Variants in CTNNA2 observed in about 807,000 individuals in gnomAD.
CTNNA2 encodes the protein catenin alpha 2.
CTNNA2 carries 42 observed loss-of-function variants against 101.0 expected under a neutral mutation model. That is an observed-to-expected ratio of 0.42 (90% confidence interval 0.32 to 0.54). The LOEUF (loss-of-function observed/expected upper bound fraction) is 0.54. Among genes scored for constraint, CTNNA2 ranks in the 20% least tolerant of loss-of-function variants. The pLI is 0.14. For missense variants in CTNNA2, 871 were observed against 1,223.1 expected, an observed-to-expected ratio of 0.71 and a Z score of 4.29; for synonymous variants, 450 against 456.4, an observed-to-expected ratio of 0.99 and a Z score of 0.18.
chr2:80,277,168 G>A (rs1673972377), intron 7 of CTNNA2, among the ~76,000 whole-genome samples: 1 of 152,122 alleles, frequency 6.6e-6, no homozygotes, highest in Non-Finnish European at 1.5e-5. Flanking sequence ...AAACTGTGTA[G>A]GACAAGGTCA....
At chr2:80,034,090 A>G (rs558223145) in intron 7 of CTNNA2, among the ~76,000 whole-genome samples, 12 of 152,016 alleles carry the variant, frequency 7.9e-5, no homozygotes, top group African/African-American at 2.9e-4. Context: ...AAAGGAAAGG[A>G]TAAATCCAAC....
At chr2:79,917,267 A>G (rs903360170) in intron 7 of CTNNA2, among the ~76,000 whole-genome samples, 4 of 151,516 alleles carry the variant, frequency 2.6e-5, no homozygotes, top group African/African-American at 7.3e-5. Flanking sequence ...GACGGGTTTC[A>G]GCATGTTGGC....
chr2:80,206,006 T>C (rs1243895349), intron 7 of CTNNA2, among the ~76,000 whole-genome samples: 1 of 152,216 alleles, frequency 6.6e-6, no homozygotes, highest in Non-Finnish European at 1.5e-5. Flanking sequence ...CACATTACAA[T>C]GAATTATATT....
intron 2 of CTNNA2, among the ~76,000 whole-genome samples, chr2:79,273,307 A>G (rs929731083): frequency 1.3e-5 from 2 of 152,084 alleles, no homozygotes; most frequent in African/African-American, 4.8e-5. Flanking sequence ...ACTAATTAAA[A>G]CATTATAATT....
intron 2 of CTNNA2, among the ~76,000 whole-genome samples, chr2:79,665,779 A>G (rs1382396805): frequency 6.6e-6 from 1 of 152,238 alleles, no homozygotes; most frequent in Non-Finnish European, 1.5e-5. Context: ...GAAAAAGGAA[A>G]GAGTAGGAAA....
intron 9 of CTNNA2, among the ~76,000 whole-genome samples, chr2:80,524,387 C>T (rs1048576999): frequency 6.6e-6 from 1 of 152,174 alleles, no homozygotes; most frequent in African/African-American, 2.4e-5. Context: ...CCTGCTCTTT[C>T]TCATTTTCTT....
At position 79,302,062 on chromosome 2, in the gene CTNNA2, C is replaced by A. The variant is rs564727097; in HGVS notation, c.-405-10647C>A. 5.3e-4 allele frequency among the ~76,000 whole-genome samples: 80 copies of A among 152,084 alleles called. 1 individual carries two copies. Among genetic ancestry groups the A allele is most frequent in the African/African-American group, 1.9e-3 (79 of 41,498 alleles). ...GAGCCGAGGCTGCACAACTGCACTT[C>A]AGCCTGGGTGACAGAGAGAGACTCT... On this transcript the variant is annotated intron_variant, in intron 2 of 21. Coordinates refer to the CTNNA2 transcript ENST00000466387.
At chr2:79,222,990 T>TAA (rs113544177) in intron 2 of CTNNA2, among the ~76,000 whole-genome samples, 7 of 148,762 alleles carry the variant, frequency 4.7e-5, no homozygotes, top group Admixed American at 1.3e-4. Flanking sequence ...TAAAAAAAGT[T>TAA]AAAAAAAAAA....
At chr2:79,496,057 T>C (rs530389441) in intron 4 of CTNNA2, among the ~76,000 whole-genome samples, 1 of 152,248 alleles carries the variant, frequency 6.6e-6, no homozygotes, top group South Asian at 2.1e-4. Context: ...AATGAAAATG[T>C]TCTAAAAATA....
intron 18 of CTNNA2, among the ~76,000 whole-genome samples, chr2:80,631,819 T>G (rs535311663): frequency 8.1e-4 from 123 of 152,280 alleles, no homozygotes; most frequent in Non-Finnish European, 1.4e-3. Flanking sequence ...TAGCAAGTTC[T>G]TCCTCCCTAA....
intron 7 of CTNNA2, among the ~76,000 whole-genome samples, chr2:80,224,703 C>T (rs1216059954): frequency 6.6e-6 from 1 of 152,070 alleles, no homozygotes; most frequent in Non-Finnish European, 1.5e-5. Flanking sequence ...CTCGGCCTCC[C>T]AAAGTGCTGG....
intron 7 of CTNNA2, among the ~76,000 whole-genome samples, chr2:80,390,267 GTCA>G (rs1476191612): frequency 6.6e-6 from 1 of 152,184 alleles, no homozygotes; most frequent in Non-Finnish European, 1.5e-5. Flanking sequence ...GAGCAACTCA[GTCA>G]TTGAGCGTGC....
At chr2:80,584,384 C>A (rs972122557) in intron 14 of CTNNA2, among the ~76,000 whole-genome samples, 2 of 148,632 alleles carry the variant, frequency 1.3e-5, no homozygotes, top group Non-Finnish European at 3.0e-5. Flanking sequence ...CCTTTATATG[C>A]CCATATCTGC....
At chr2:80,568,000 G>A (rs561714969) in intron 12 of CTNNA2, among the ~76,000 whole-genome samples, 1 of 152,274 alleles carries the variant, frequency 6.6e-6, no homozygotes, top group African/African-American at 2.4e-5. Context: ...CTCAGAGTGT[G>A]TTGGATGACT....
At chr2:80,485,691 G>C (rs913118202) in intron 9 of CTNNA2, among the ~76,000 whole-genome samples, 3 of 152,044 alleles carry the variant, frequency 2.0e-5, no homozygotes, top group Non-Finnish European at 4.4e-5. Context: ...TCCTTAACCA[G>C]TGAACTGAAA....
chr2:80,520,436 A>G (rs1327206693), intron 9 of CTNNA2, among the ~76,000 whole-genome samples: 1 of 152,146 alleles, frequency 6.6e-6, no homozygotes, highest in East Asian at 1.9e-4. Flanking sequence ...CGGTTCAGGT[A>G]TTATAACAAA....
At chr2:80,428,794 C>T (rs771103944) in intron 9 of CTNNA2, among the ~76,000 whole-genome samples, 2 of 152,176 alleles carry the variant, frequency 1.3e-5, no homozygotes, top group Non-Finnish European at 2.9e-5. Context: ...TGCCACTGCA[C>T]TTCAGCCTGG....
intron 2 of CTNNA2, among the ~76,000 whole-genome samples, chr2:79,312,403 G>A (rs1372881665): frequency 6.6e-6 from 1 of 152,068 alleles, no homozygotes; most frequent in Non-Finnish European, 1.5e-5. Flanking sequence ...CCTTCATAGT[G>A]TGTATACTCT....
chr2:79,320,181 T>C (rs1573073569), intron 3 of CTNNA2, among the ~76,000 whole-genome samples: 1 of 151,046 alleles, frequency 6.6e-6, no homozygotes, highest in African/African-American at 2.4e-5. Context: ...GCAAAGAAAA[T>C]CTCCCTTCTT....
Sources: gnomAD v4.1 joint callset for allele counts (sites outside exome capture counted in the v4.1 genomes callset) on GRCh38, gnomAD v4.1.1 for gene constraint, MANE v1.5 for transcripts, NCBI Gene and HGNC (gene_info 2026-07-23, HGNC 2026-07-21) for gene names.